Variants in POLE observed in about 807,000 individuals in gnomAD.
POLE encodes DNA polymerase epsilon, catalytic subunit.
Under a neutral mutation model 279.2 loss-of-function variants are expected in POLE, and 188 were observed. The observed-to-expected ratio is 0.67, with a 90% CI of 0.60 to 0.76. The LOEUF (loss-of-function observed/expected upper bound fraction) is 0.76. Ranked by LOEUF, POLE falls within the 30% of genes least tolerant of loss-of-function variation. The probability of loss-of-function intolerance (pLI) is 0.00; values close to 1 mark genes in which losing one functional copy is unlikely to be tolerated. For synonymous variants in POLE, 1,214 were observed against 1,172.5 expected, an observed-to-expected ratio of 1.04 and a Z score of -0.72; for missense variants, 2,703 against 3,016.7, an observed-to-expected ratio of 0.90 and a Z score of 2.44.
In POLE at chr12:132,668,583, C is replaced by A. The variant is rs2135977225; in HGVS notation, c.2026+52G>T. 1.3e-6 allele frequency: 2 copies of A among 1,586,168 alleles called. No homozygotes were observed. Among genetic ancestry groups the A allele is most frequent in the Non-Finnish European group, 1.7e-6 (2 of 1,159,458 alleles). ...CCACCAAGTGGAGAAAGGCGGCCGA[C>A]ACTCACCCACCCGTTTCCCACCGAG... is the stretch of plus-strand genomic sequence containing the variant. On this transcript the variant is annotated intron_variant, in intron 18 of 48. Coordinates refer to ENST00000320574, the MANE Select transcript of POLE (RefSeq NM_006231.4). The surrounding 1 kb of genome is among the most constrained non-coding windows in gnomAD (Gnocchi z 4.0).
At position 132,665,682 on chromosome 12, in the gene POLE, T is replaced by G. The variant is rs577716858; in HGVS notation, c.2320-232A>C. 1.2e-4 allele frequency among the ~76,000 whole-genome samples: 19 copies of G among 152,298 alleles called. No homozygotes were observed. The South Asian group carries it at 1.4e-3, about 12-fold the overall frequency. On this transcript the variant is annotated intron_variant, in intron 20 of 48. Transcript: ENST00000320574. ...GACAGAATCATTTGAACATTGTAGA[T>G]TTCACGGTCTGACATCCTAAACGCT...
chr12:132,641,692 G>A lies in POLE; in HGVS notation c.5333C>T (p.Ala1778Val), dbSNP rs2138523727. ...GGCTGTCTCATCGTAGCTGGCCGGG[G>A]CACTGGCAGCCTGACCACCCGTGAT... is the stretch of plus-strand genomic sequence containing the variant. Reference protein sequence around the residue: ...DMITGGQAASAPASYDETALC... With the variant: ...DMITGGQAASVPASYDETALC... The change falls in exon 39 of 49, where the codon GCC (alanine) becomes GTC (valine). Residue 1778 changes from alanine (A) to valine (V), a missense_variant. Ala to Val is a moderately conservative substitution (Grantham distance 64). This residue lies in a region of POLE where 1,551 missense variants were observed against 1,686.1 expected (regional missense o/e 0.92). Transcript: ENST00000320574. 6.2e-7 allele frequency: 1 copy of A among 1,613,860 alleles called. No individual in the cohort carries two copies. Among genetic ancestry groups the A allele is most frequent in the Non-Finnish European group, 8.5e-7 (1 of 1,180,010 alleles).
Position 132,673,565 on chromosome 12 carries a change from G to C in POLE, c.1359+10C>G, listed in dbSNP as rs2042979137. The C allele has an allele frequency of 1.1e-5, 17 of 1,601,538 alleles. No homozygotes were observed. Among genetic ancestry groups the C allele is most frequent in the Non-Finnish European group, 1.4e-5 (17 of 1,173,550 alleles). ...CGGCAGCAGGGGCAGCCGGGATGTG[G>C]CTTACGTGCCTGGGGCTGCTCCGTG... On this transcript the variant is annotated intron_variant, in intron 13 of 48. Transcript: ENST00000320574.
In POLE at chr12:132,639,255, G is replaced by C. The variant is rs1167794021; in HGVS notation, c.5422C>G (p.Gln1808Glu). 2 of 1,614,070 alleles carry C rather than the reference G, an allele frequency of 1.2e-6. No homozygotes were observed. The highest frequency in any genetic ancestry group is 1.7e-6 in the Non-Finnish European group (2 of 1,179,972). Residue 1808 changes from glutamine (Q) to glutamate (E), a missense_variant, in exon 40 of 49, where the codon CAG becomes GAG. Gln to Glu is a conservative substitution (Grantham distance 29). This residue lies in a region of POLE where 1,551 missense variants were observed against 1,686.1 expected (regional missense o/e 0.92). Transcript: ENST00000320574. The surrounding 1 kb of genome is among the most constrained non-coding windows in gnomAD (Gnocchi z 4.7). Reference sequence around the variant, plus strand: ...TTGTCTGCATAGATGTTGTGGTACTGGGTGATCTCCTTCACCCAGCCCACG... The same window carrying C: ...TTGTCTGCATAGATGTTGTGGTACTCGGTGATCTCCTTCACCCAGCCCACG... ...MVVGWVKEIT[Q>E]YHNIYADNQV...
At chr12:132,641,914 G>A (rs1177821848) in intron 38 of POLE, 63 bp from the exon 39 acceptor site, 7 of 1,515,440 alleles carry the variant, frequency 4.6e-6, no homozygotes, top group Non-Finnish European at 6.3e-6. Flanking sequence ...CAGCCCCCTG[G>A]GCCTGACTCC....
At chr12:132,681,392 G>A (rs914828248) in intron 1 of POLE, 113 bp from the exon 2 acceptor site, 1 of 1,060,972 alleles carries the variant, frequency 9.4e-7, no homozygotes, top group Non-Finnish European at 1.3e-6. Context: ...CGCCTAGGCT[G>A]GAGTGCAGTG....
At chr12:132,655,933 G>A (rs551452633) in intron 29 of POLE, among the ~76,000 whole-genome samples, 2 of 152,130 alleles carry the variant, frequency 1.3e-5, no homozygotes, top group African/African-American at 4.8e-5. Flanking sequence ...AGGCCAAGGC[G>A]GGTGCATTCA....
rs750140015 is a variant in POLE, at chr12:132,661,640, G to C, written c.2751C>G (p.Ser917=). The C allele has an allele frequency of 6.2e-7, 1 of 1,614,164 alleles. No homozygotes were observed. The highest frequency in any genetic ancestry group is 8.5e-7 in the Non-Finnish European group (1 of 1,180,014). ...CTGAGCGGGTGACGTAGGTGAGTGA[G>C]GACGGCTCAGCCAGCTCCTGGTACT... ...NDQYQELAEP[S]SLTYVTRSEN... Residue 917 remains serine (S), a synonymous_variant, in exon 24 of 49, where the codon TCC becomes TCG. Coordinates refer to ENST00000320574, the MANE Select transcript of POLE (RefSeq NM_006231.4). This position sits in a 1 kb window ranked among gnomAD's most constrained non-coding sequence, Gnocchi z 4.1.
At chr12:132,648,689 C>A (rs2042343010) in intron 32 of POLE, 2 of 435,898 alleles carry the variant, frequency 4.6e-6, no homozygotes, top group Non-Finnish European at 8.2e-6. Flanking sequence ...TTGGTTTGTC[C>A]CCGCAACATG....
At chr12:132,666,564 AGAGT>A (rs2042801556) in intron 20 of POLE, among the ~76,000 whole-genome samples, 3 of 152,370 alleles carry the variant, frequency 2.0e-5, no homozygotes, top group African/African-American at 7.2e-5. Context: ...CCTTGGTGAC[AGAGT>A]GAGACCCCGT....
chr12:132,675,010 C>T lies in POLE; in HGVS notation c.1226+388G>A, dbSNP rs577609307. 6.6e-6 allele frequency among the ~76,000 whole-genome samples: 1 copy of T among 152,208 alleles called. No individual in the cohort carries two copies. The highest frequency in any genetic ancestry group is 2.4e-5 in the African/African-American group (1 of 41,454). On this transcript the variant is annotated intron_variant, in intron 12 of 48. Coordinates refer to ENST00000320574, the MANE Select transcript of POLE (RefSeq NM_006231.4). The surrounding 1 kb of genome is among the most constrained non-coding windows in gnomAD (Gnocchi z 4.3). ...CTCCGAAGCTCTGAGCTGCCTCCCA[C>T]CCTAGCTCATATGGAATCTGTGGTT... is the stretch of plus-strand genomic sequence containing the variant.
chr12:132,627,129 A>C (rs1377390499), intron 45 of POLE, among the ~76,000 whole-genome samples: 1 of 152,144 alleles, frequency 6.6e-6, no homozygotes, highest in East Asian at 1.9e-4. Flanking sequence ...AAAAATACAA[A>C]AATTGGCTGG....
Position 132,664,475 on chromosome 12 carries a change from C to T in POLE, c.2469-13G>A, listed in dbSNP as rs202020608. On this transcript the variant is annotated splice_polypyrimidine_tract_variant and intron_variant, in intron 21 of 48. Coordinates refer to ENST00000320574, the MANE Select transcript of POLE (RefSeq NM_006231.4). The surrounding 1 kb of genome is among the most constrained non-coding windows in gnomAD (Gnocchi z 5.3). ...GTACCAGCGAGCCCTGAGAGGACAC[C>T]ACAAACTGGTGGGTGGGGCTGGCAT... 4 of 1,609,650 alleles carry T rather than the reference C, an allele frequency of 2.5e-6. No homozygotes were observed. Among genetic ancestry groups the T allele is most frequent in the Non-Finnish European group, 3.4e-6 (4 of 1,176,262 alleles).
chr12:132,625,919 C>T, intron 46 of POLE, 149 bp from the exon 47 acceptor site: 1 of 1,206,778 alleles, frequency 8.3e-7, no homozygotes, highest in Non-Finnish European at 1.2e-6. Flanking sequence ...GGCCTCCCAC[C>T]TGCACTTGAG....
At chr12:132,626,433 C>T (rs2041841491) in intron 45 of POLE, 116 bp from the exon 46 acceptor site, 3 of 939,654 alleles carry the variant, frequency 3.2e-6, no homozygotes, top group Admixed American at 4.3e-5. Flanking sequence ...TTCCTCCCTT[C>T]CTTAGTCCCT....
chr12:132,681,849 T>C (rs891529393), intron 1 of POLE, among the ~76,000 whole-genome samples: 10 of 152,166 alleles, frequency 6.6e-5, no homozygotes, highest in Non-Finnish European at 1.2e-4. Flanking sequence ...ACGCGGTGGC[T>C]CATGAGAGTG....
chr12:132,632,370 C>T lies in POLE; in HGVS notation c.6275G>A (p.Gly2092Asp), dbSNP rs1487447963. 1 of 1,614,188 alleles carries T rather than the reference C, an allele frequency of 6.2e-7. No homozygotes were observed. The highest frequency in any genetic ancestry group is 1.1e-5 in the South Asian group (1 of 91,086). Residue 2092 changes from glycine to aspartate, a missense_variant, in exon 45 of 49, where the codon GGT becomes GAT. Transcript: ENST00000320574. ...ELSEMFPVLP[G>D]SHLLLNNPAL... ...AGGGTTATTGAGCAGCAAGTGGGAA[C>T]CGGGGAGGACAGGAAACATCTCTGA...
chr12:132,668,214 T>C lies in POLE; in HGVS notation c.2173+142A>G. ...AGGACCCTGCAGTGAGAGCACAGCT[T>C]ACAGTGACCTAGAGCAGCTTCTGGT... On this transcript the variant is annotated intron_variant, in intron 19 of 48. Transcript: ENST00000320574. The surrounding 1 kb of genome is among the most constrained non-coding windows in gnomAD (Gnocchi z 4.0). The C allele has an allele frequency of 1.1e-6, 1 of 892,386 alleles. No individual in the cohort carries two copies. Among genetic ancestry groups the C allele is most frequent in the Non-Finnish European group, 1.6e-6 (1 of 606,310 alleles). 55.3% of individuals were successfully genotyped at this position (892,386 alleles called of 1,614,324 possible). A position where few individuals can be genotyped will look rare whatever the true frequency, so the allele number is the denominator to read the frequency against.
At chr12:132,628,519 T>C (rs1177914037) in intron 45 of POLE, among the ~76,000 whole-genome samples, 2 of 151,906 alleles carry the variant, frequency 1.3e-5, no homozygotes, top group Non-Finnish European at 2.9e-5. Context: ...GGCGGGCACC[T>C]GTAATCCCAG....
Sources: allele counts gnomAD v4.1 joint callset (sites outside exome capture counted in the v4.1 genomes callset), GRCh38; gene constraint gnomAD v4.1.1; regional missense constraint gnomAD v4.1.1; non-coding constraint Gnocchi (gnomAD v3.1); transcripts MANE v1.5; gene names NCBI Gene and HGNC (gene_info 2026-07-23, HGNC 2026-07-21).